Variants in RAPH1 observed in about 807,000 individuals in gnomAD.
RAPH1 encodes ras-associated and pleckstrin homology domains-containing protein 1.
Under a neutral mutation model 88.1 loss-of-function variants are expected in RAPH1, and 18 were observed. The observed-to-expected ratio is 0.20, with a 90% CI of 0.14 to 0.30. RAPH1 has a LOEUF of 0.30. Among genes scored for constraint, RAPH1 ranks in the 10% least tolerant of loss-of-function variants. The pLI is 1.00. For synonymous variants in RAPH1, 587 were observed against 559.0 expected (o/e 1.05, Z -0.71); for missense variants, 1,448 against 1,543.2 (o/e 0.94, Z 1.03).
At chr2:203,475,903 TTC>T (rs1198960599) in intron 4 of RAPH1, among the ~76,000 whole-genome samples, 1 of 152,048 alleles carries the variant, frequency 6.6e-6, no homozygotes, top group Non-Finnish European at 1.5e-5. Context: ...TATTATAAAT[TTC>T]TTTTTCATTA....
chr2:203,485,232 T>C (rs956848341), intron 4 of RAPH1, among the ~76,000 whole-genome samples: 1 of 151,914 alleles, frequency 6.6e-6, no homozygotes, highest in African/African-American at 2.4e-5. Context: ...GGCGAAACCC[T>C]GTCTCCACTA....
intron 1 of RAPH1, among the ~76,000 whole-genome samples, chr2:203,512,064 G>A (rs770454435): frequency 4.6e-5 from 7 of 151,984 alleles, no homozygotes; most frequent in Non-Finnish European, 7.4e-5. Context: ...AGAGAGCCGA[G>A]ATCGCACCAA....
At chr2:203,500,649 C>T (rs1371080505) in intron 1 of RAPH1, among the ~76,000 whole-genome samples, 3 of 152,160 alleles carry the variant, frequency 2.0e-5, no homozygotes, top group Non-Finnish European at 2.9e-5. Flanking sequence ...ATTGCTTATA[C>T]TCACTTAAGT....
rs1281022318 is a variant in RAPH1, at chr2:203,440,365, G to A, written c.2825C>T (p.Pro942Leu). Residue 942 changes from proline to leucine, a missense_variant, in exon 14 of 14, where the codon CCT (proline) becomes CTT (leucine). Transcript: ENST00000319170. ...AGGGGTAGGAGAAGCTGTGGGTGGA[G>A]GTGGTGGTGGTGGGGCTGGGACAGG... ...PSPVPAPPPP[P>L]PPTASPTPDK... 3 of 1,599,790 alleles carry A rather than the reference G, an allele frequency of 1.9e-6. No individual in the cohort carries two copies. Among genetic ancestry groups the A allele is most frequent in the East Asian group, 4.5e-5 (2 of 44,690 alleles).
intron 13 of RAPH1, chr2:203,442,140 A>G: frequency 1.3e-6 from 2 of 1,506,384 alleles, no homozygotes; most frequent in South Asian, 2.6e-5. Flanking sequence ...TAAAAATATC[A>G]TACAGAAAAA....
chr2:203,497,402 G>T (rs987365858), intron 1 of RAPH1, among the ~76,000 whole-genome samples: 4 of 152,152 alleles, frequency 2.6e-5, no homozygotes, highest in Middle Eastern at 3.2e-3. Flanking sequence ...GATCCTTAAA[G>T]GTTAGGAGAA....
rs2098500105 is a variant in RAPH1 at position 203,438,262 on chromosome 2, T to C, written c.*1175A>G. ...TACTTAATGAGCTTTTTGTATTACATATTATAACCCATATACAACCAGATT... is the reference window on the plus strand; with the variant it reads ...TACTTAATGAGCTTTTTGTATTACACATTATAACCCATATACAACCAGATT... On this transcript the variant is annotated 3_prime_UTR_variant, in exon 14 of 14. Coordinates refer to ENST00000319170, the MANE Select transcript of RAPH1 (RefSeq NM_213589.3). 2 of 483,790 alleles carry C rather than the reference T, an allele frequency of 4.1e-6. No homozygotes were observed. Among genetic ancestry groups the C allele is most frequent in the African/African-American group, 2.0e-5 (1 of 51,022 alleles). 30.0% of individuals were successfully genotyped at this position (483,790 alleles called of 1,614,324 possible).
intron 1 of RAPH1, among the ~76,000 whole-genome samples, chr2:203,509,530 G>A (rs180778178): frequency 2.3e-4 from 35 of 152,224 alleles, no homozygotes; most frequent in African/African-American, 8.4e-4. Flanking sequence ...TATTAAAACT[G>A]TGTTACTTTT....
intron 1 of RAPH1, among the ~76,000 whole-genome samples, chr2:203,501,040 AGGAG>A (rs1356543415): frequency 3.3e-5 from 5 of 152,244 alleles, no homozygotes; most frequent in Admixed American, 2.0e-4. Flanking sequence ...AGAAAGGGGC[AGGAG>A]GGAGGTGAAG....
intron 4 of RAPH1, chr2:203,477,304 T>A (rs1687505253): frequency 4.8e-6 from 3 of 631,556 alleles, no homozygotes; most frequent in South Asian, 3.8e-5. Context: ...TGCAATTACC[T>A]TTCATTCTCT....
intron 7 of RAPH1, 110 bp from the exon 8 acceptor site, chr2:203,457,705 G>C (rs2098520915): frequency 2.4e-6 from 2 of 827,470 alleles, no homozygotes; most frequent in Non-Finnish European, 4.1e-6. Context: ...TTTTCTTCTA[G>C]AGAAATAGCA....
intron 10 of RAPH1, among the ~76,000 whole-genome samples, chr2:203,450,897 G>T (rs866063564): frequency 0.029 from 4,109 of 141,876 alleles, 76 homozygotes; most frequent in Non-Finnish European, 0.044. Flanking sequence ...CAAAAAGAGG[G>T]TTTTTTTTTT....
intron 10 of RAPH1, among the ~76,000 whole-genome samples, chr2:203,450,234 A>AG (rs992430661): frequency 2.0e-5 from 3 of 152,012 alleles, no homozygotes; most frequent in Non-Finnish European, 2.9e-5. Flanking sequence ...GTCTACAATG[A>AG]GGGAAAAAAA....
At chr2:203,480,087 T>C (rs1266098390) in intron 4 of RAPH1, among the ~76,000 whole-genome samples, 1 of 152,236 alleles carries the variant, frequency 6.6e-6, no homozygotes, top group Non-Finnish European at 1.5e-5. Context: ...TGTTGCGCCA[T>C]TTGTGTTTGA....
intron 5 of RAPH1, 27 bp from the exon 6 acceptor site, chr2:203,461,435 T>G: frequency 6.5e-7 from 1 of 1,532,700 alleles, no homozygotes; most frequent in Non-Finnish European, 8.8e-7. Flanking sequence ...GAAAAGTAAA[T>G]GAACACTAAA....
intron 1 of RAPH1, among the ~76,000 whole-genome samples, chr2:203,514,756 G>A (rs992258426): frequency 2.0e-5 from 3 of 151,878 alleles, no homozygotes; most frequent in Admixed American, 6.6e-5. Flanking sequence ...AGGTTTCACC[G>A]TGTTAGCCAG....
Position 203,489,571 on chromosome 2 carries a change from T to C in RAPH1, c.732+13A>G, listed in dbSNP as rs1377161955. ...AATAACAAAATACCAGGGAAAAAGT[T>C]CCATTTATTTACCTCAGTAATTGGC... is the stretch of plus-strand genomic sequence containing the variant. On this transcript the variant is annotated intron_variant, in intron 4 of 13. Coordinates refer to ENST00000319170, the MANE Select transcript of RAPH1 (RefSeq NM_213589.3). 2.1e-6 allele frequency: 3 copies of C among 1,446,724 alleles called. No individual in the cohort carries two copies. The African/African-American group carries it at 4.2e-5, about 20-fold the overall frequency. 89.6% of individuals were successfully genotyped at this position (1,446,724 alleles called of 1,614,324 possible).
intron 7 of RAPH1, among the ~76,000 whole-genome samples, chr2:203,459,449 T>C (rs770486839): frequency 1.8e-4 from 28 of 152,196 alleles, no homozygotes; most frequent in Admixed American, 5.9e-4. Flanking sequence ...AAAGTATGTT[T>C]ATTAGAATGT....
chr2:203,509,992 T>A (rs185715401), intron 1 of RAPH1, among the ~76,000 whole-genome samples: 3 of 152,260 alleles, frequency 2.0e-5, no homozygotes, highest in Admixed American at 2.0e-4. Flanking sequence ...GCTTCCTGTA[T>A]AGCCTGCAGA....
Sources: gnomAD v4.1 joint callset for allele counts (sites outside exome capture counted in the v4.1 genomes callset) on GRCh38, gnomAD v4.1.1 for gene constraint, MANE v1.5 for transcripts, NCBI Gene and HGNC (gene_info 2026-07-23, HGNC 2026-07-21) for gene names.